PALS1: variants seen among roughly 807,000 people sequenced by gnomAD.
PALS1 encodes protein associated with LIN7 1, MAGUK p55 family member, also known as protein PALS1.
Under a neutral mutation model 78.9 loss-of-function variants are expected in PALS1, and 31 were observed. That is an observed-to-expected ratio of 0.39 (90% CI 0.30 to 0.53). The LOEUF is 0.53. Among genes scored for constraint, PALS1 ranks in the 20% least tolerant of loss-of-function variants. PALS1 has a pLI of 0.67. For missense variants in PALS1, 704 were observed against 826.5 expected (o/e 0.85, Z 1.82); for synonymous variants, 276 against 270.9 (o/e 1.02, Z -0.18).
intron 14 of PALS1, among the ~76,000 whole-genome samples, chr14:67,332,311 A>C (rs1425748685): frequency 6.6e-6 from 1 of 152,064 alleles, no homozygotes; most frequent in Non-Finnish European, 1.5e-5. Context: ...GATACTTTTA[A>C]CTCTCTGCAG....
At chr14:67,266,268 A>G (rs1447610707) in intron 1 of PALS1, among the ~76,000 whole-genome samples, 1 of 152,188 alleles carries the variant, frequency 6.6e-6, no homozygotes, top group Admixed American at 6.5e-5. Context: ...ATTTTTGTTT[A>G]GGTTGTGCCT....
chr14:67,302,685 A>G, intron 7 of PALS1, 114 bp downstream of exon 7: 7 of 818,320 alleles, frequency 8.6e-6, no homozygotes, highest in Non-Finnish European at 1.2e-5. Context: ...TTCTAGCCTG[A>G]TTTTTCCATG....
chr14:67,334,928 G>GCTAAA lies in PALS1; in HGVS notation c.*1976_*1980dup, dbSNP rs749844201. 17 of 152,220 alleles carry GCTAAA rather than the reference G, an allele frequency of 1.1e-4. No individual in the cohort carries two copies. Among genetic ancestry groups the GCTAAA allele is most frequent in the Non-Finnish European group, 1.6e-4 (11 of 68,048 alleles). The allele number at this position is 152,220 out of a possible 1,614,324, so 9.4% of individuals were successfully genotyped here. A position where few individuals can be genotyped will look rare whatever the true frequency, so the allele number is the denominator to read the frequency against. ...CTGACAACTGTTTTCAACTCCAAGA[G>GCTAAA]CTAAACTATTGGCAGTTCATGTTAA... On this transcript the variant is annotated 3_prime_UTR_variant, in exon 15 of 15. Transcript: ENST00000261681.
At chr14:67,280,677 C>T (rs538235865) in intron 3 of PALS1, among the ~76,000 whole-genome samples, 2 of 152,162 alleles carry the variant, frequency 1.3e-5, no homozygotes, top group African/African-American at 4.8e-5. Flanking sequence ...TTTCACTCAC[C>T]AGGCCAGAGC....
chr14:67,286,871 A>AAG (rs1555520802), intron 3 of PALS1, among the ~76,000 whole-genome samples: 1 of 151,068 alleles, frequency 6.6e-6, no homozygotes, highest in African/African-American at 2.4e-5. Flanking sequence ...AAAAAAAAAA[A>AAG]AAAGAAAAAA....
intron 4 of PALS1, among the ~76,000 whole-genome samples, chr14:67,300,499 T>C (rs572292926): frequency 1.3e-5 from 2 of 152,262 alleles, no homozygotes; most frequent in African/African-American, 4.8e-5. Flanking sequence ...GGCTAATTTT[T>C]GTATTTTTAG....
At chr14:67,258,306 A>C (rs543624032) in intron 1 of PALS1, among the ~76,000 whole-genome samples, 103 of 152,076 alleles carry the variant, frequency 6.8e-4, no homozygotes, top group Non-Finnish European at 1.3e-3. Context: ...ATCCCAAGGC[A>C]GGTGGATCGC....
chr14:67,278,701 A>G (rs759092640), intron 2 of PALS1, among the ~76,000 whole-genome samples: 1 of 152,214 alleles, frequency 6.6e-6, no homozygotes, highest in Non-Finnish European at 1.5e-5. Context: ...GAAGCAAGCA[A>G]CGTGTTCTCT....
chr14:67,326,972 T>G (rs2085367843), intron 14 of PALS1, among the ~76,000 whole-genome samples: 1 of 151,960 alleles, frequency 6.6e-6, no homozygotes, highest in African/African-American at 2.4e-5. Context: ...GTGAGGAGTT[T>G]GAGACCAGCC....
intron 14 of PALS1, among the ~76,000 whole-genome samples, chr14:67,327,246 C>T (rs1203777035): frequency 6.6e-6 from 1 of 152,072 alleles, no homozygotes; most frequent in Non-Finnish European, 1.5e-5. Context: ...TTTTTGTAGA[C>T]CTATGTTTTC....
chr14:67,328,326 A>G (rs956600051), intron 14 of PALS1, among the ~76,000 whole-genome samples: 5 of 151,452 alleles, frequency 3.3e-5, no homozygotes, highest in African/African-American at 7.3e-5. Context: ...TTTTGATGGG[A>G]TTGTTTGATT....
At position 67,335,119 on chromosome 14, in the gene PALS1, A is replaced by AGAT. The variant is rs549538165; in HGVS notation, c.*2167_*2169dup. The AGAT allele has an allele frequency of 1.2e-4, 18 of 149,988 alleles. No individual in the cohort carries two copies. Among genetic ancestry groups the AGAT allele is most frequent in the Admixed American group, 3.3e-4 (5 of 15,074 alleles). The allele number at this position is 149,988 out of a possible 1,614,324, so 9.3% of individuals were successfully genotyped here. On this transcript the variant is annotated 3_prime_UTR_variant, in exon 15 of 15. Coordinates refer to ENST00000261681, the MANE Select transcript of PALS1 (RefSeq NM_022474.4). ...CCATGCCATACTTTTAGGAAGTCTG[A>AGAT]GATGATAAATATTTCAAGGTCAGTG...
rs778729300 is a variant in PALS1 at position 67,321,155 on chromosome 14, A to T, written c.1636A>T (p.Ile546Phe). The change falls in exon 13 of 15, where the codon ATT (isoleucine) becomes TTT (phenylalanine). Residue 546 changes from isoleucine (I) to phenylalanine (F), a missense_variant. Coordinates refer to ENST00000261681, the MANE Select transcript of PALS1 (RefSeq NM_022474.4). ...GGCAGACATAGCAGCTGGAAAGTTC[A>T]TTGAGCATGGTGAATTTGAGAAGAA... ...FEADIAAGKF[I>F]EHGEFEKNLY... The T allele has an allele frequency of 6.2e-6, 10 of 1,614,222 alleles. No individual in the cohort carries two copies. The highest frequency in any genetic ancestry group is 3.3e-5 in the Admixed American group (2 of 60,028).
intron 8 of PALS1, among the ~76,000 whole-genome samples, chr14:67,308,730 G>A (rs1295340321): frequency 6.6e-6 from 1 of 151,720 alleles, no homozygotes; most frequent in Non-Finnish European, 1.5e-5. Flanking sequence ...TGTGCCACCA[G>A]CTAATTTTGT....
At position 67,312,862 on chromosome 14, in the gene PALS1, CG is replaced by C. The variant is rs2140951167; in HGVS notation, c.1225+153del. ...TTGGGTTTTTATGTTGTACCTGCAGCGTAAGTATATTAAATAGAATGTGGCC... is the reference window on the plus strand; with the variant it reads ...TTGGGTTTTTATGTTGTACCTGCAGCTAAGTATATTAAATAGAATGTGGCC... On this transcript the variant is annotated intron_variant, in intron 9 of 14. Transcript: ENST00000261681. The C allele has an allele frequency of 5.2e-6, 3 of 575,996 alleles. No individual in the cohort carries two copies. The East Asian group carries it at 9.2e-5, about 18-fold the overall frequency. 35.7% of individuals were successfully genotyped at this position (575,996 alleles called of 1,614,324 possible).
chr14:67,328,481 A>G (rs1157221221), intron 14 of PALS1, among the ~76,000 whole-genome samples: 1 of 151,870 alleles, frequency 6.6e-6, no homozygotes, highest in Non-Finnish European at 1.5e-5. Context: ...AAGCTCTTTA[A>G]TTAGATCCCA....
At chr14:67,305,704 CGTT>C (rs1414115262) in intron 8 of PALS1, among the ~76,000 whole-genome samples, 4 of 152,236 alleles carry the variant, frequency 2.6e-5, no homozygotes, top group East Asian at 3.9e-4. Flanking sequence ...TGTTGATTCT[CGTT>C]GTATGCAAAA....
chr14:67,298,330 A>G (rs939349070), intron 4 of PALS1, among the ~76,000 whole-genome samples: 5 of 152,086 alleles, frequency 3.3e-5, no homozygotes, highest in African/African-American at 1.2e-4. Context: ...TCTGGCCAAC[A>G]TGGTGAAACC....
chr14:67,326,624 T>G (rs769727899), intron 14 of PALS1, among the ~76,000 whole-genome samples: 4 of 152,178 alleles, frequency 2.6e-5, no homozygotes, highest in Non-Finnish European at 5.9e-5. Context: ...CCTTTGAAGT[T>G]AATACCCCTC....
Sources: allele counts gnomAD v4.1 joint callset (sites outside exome capture counted in the v4.1 genomes callset), GRCh38; gene constraint gnomAD v4.1.1; transcripts MANE v1.5; gene names NCBI Gene and HGNC (gene_info 2026-07-23, HGNC 2026-07-21).